ABCA1: variants seen among roughly 807,000 people sequenced by gnomAD.
ABCA1 encodes the protein phospholipid-transporting ATPase ABCA1.
Under a neutral mutation model 262.5 loss-of-function variants are expected in ABCA1, and 133 were observed. The ratio of observed to expected loss-of-function variants is 0.51; its 90% confidence interval spans 0.44 to 0.59. The LOEUF (loss-of-function observed/expected upper bound fraction) is 0.59. Among genes scored for constraint, ABCA1 ranks in the 20% least tolerant of loss-of-function variants. The pLI, the probability that ABCA1 is intolerant of heterozygous loss-of-function variation, is 0.00. For synonymous variants in ABCA1, 1,022 were observed against 1,043.5 expected, an observed-to-expected ratio of 0.98 and a Z score of 0.40; for missense variants, 2,452 against 2,777.5, an observed-to-expected ratio of 0.88 and a Z score of 2.63.
chr9:104,917,483 G>C (rs949032425), intron 1 of ABCA1, among the ~76,000 whole-genome samples: 11 of 152,098 alleles, frequency 7.2e-5, no homozygotes, highest in African/African-American at 2.4e-4. Flanking sequence ...GGCCGGGTGC[G>C]GCGGCTCACA....
intron 2 of ABCA1, among the ~76,000 whole-genome samples, chr9:104,890,618 T>C (rs1021417889): frequency 6.6e-6 from 1 of 151,874 alleles, no homozygotes; most frequent in Non-Finnish European, 1.5e-5. Flanking sequence ...ATTTTTTTTT[T>C]TGAGACAGGG....
intron 11 of ABCA1, among the ~76,000 whole-genome samples, chr9:104,833,224 C>T (rs1445575894): frequency 3.3e-5 from 5 of 152,176 alleles, no homozygotes; most frequent in African/African-American, 9.7e-5. Context: ...CTCTGCCGCC[C>T]GGGCTGGAGT....
chr9:104,804,936 T>G (rs1365625703), intron 31 of ABCA1, among the ~76,000 whole-genome samples: 3 of 152,188 alleles, frequency 2.0e-5, no homozygotes, highest in Non-Finnish European at 4.4e-5. Flanking sequence ...TCCCAAGAAT[T>G]TATTCTGAAC....
At chr9:104,837,601 C>A in intron 9 of ABCA1, 34 bp from the exon 10 acceptor site, 1 of 1,611,880 alleles carries the variant, frequency 6.2e-7, no homozygotes, top group Non-Finnish European at 8.5e-7. Context: ...TGCTCATATG[C>A]ATGGTCATAT....
At chr9:104,818,430 T>A (rs996499497) in intron 23 of ABCA1, among the ~76,000 whole-genome samples, 24 of 152,166 alleles carry the variant, frequency 1.6e-4, no homozygotes, top group African/African-American at 5.8e-4. Context: ...TCTCCATCAC[T>A]CTCTGTGCCT....
chr9:104,798,140 T>G, intron 37 of ABCA1, among the ~76,000 whole-genome samples: 1 of 152,216 alleles, frequency 6.6e-6, no homozygotes, highest in Non-Finnish European at 1.5e-5. Context: ...CTTGTATCTC[T>G]CTGATTCTTG....
intron 1 of ABCA1, among the ~76,000 whole-genome samples, chr9:104,907,390 A>G (rs1841224114): frequency 6.6e-6 from 1 of 152,104 alleles, no homozygotes; most frequent in South Asian, 2.1e-4. Context: ...GAGGATTTCT[A>G]CCTTCTGAGT....
Position 104,836,986 on chromosome 9 carries a change from A to C in ABCA1, c.1305T>G (p.Leu435=). 1.2e-6 allele frequency: 2 copies of C among 1,613,254 alleles called. No homozygotes were observed. The highest frequency in any genetic ancestry group is 1.7e-6 in the Non-Finnish European group (2 of 1,179,204). Residue 435 remains leucine, a synonymous_variant, in exon 11 of 50, where the codon CTT becomes CTG. Coordinates refer to ENST00000374736, the MANE Select transcript of ABCA1 (RefSeq NM_005502.4). Reference sequence around the variant, plus strand: ...TAATGGGAGGGACACTCACCCGGACAAGGTCCATTTCTTGGCTGTTCTCCA... The same window carrying C: ...TAATGGGAGGGACACTCACCCGGACCAGGTCCATTTCTTGGCTGTTCTCCA... ...TFMENSQEMD[L]VRMLLDSRDN...
At chr9:104,818,586 A>C (rs1831989910) in intron 23 of ABCA1, 77 bp downstream of exon 23, 1 of 1,365,354 alleles carries the variant, frequency 7.3e-7, no homozygotes, top group Admixed American at 1.7e-5. Context: ...AGGGGTGGAG[A>C]TGGAGAAATC....
At chr9:104,794,957 G>A (rs972538551) in intron 39 of ABCA1, among the ~76,000 whole-genome samples, 3 of 152,196 alleles carry the variant, frequency 2.0e-5, no homozygotes, top group African/African-American at 7.2e-5. Flanking sequence ...TCTACCAACT[G>A]AATAAGGGGC....
intron 43 of ABCA1, 136 bp from the exon 44 acceptor site, chr9:104,791,164 G>A (rs1175034478): frequency 2.2e-5 from 14 of 625,110 alleles, no homozygotes; most frequent in South Asian, 7.3e-5. Flanking sequence ...TTAACACATC[G>A]TATAGATATT....
intron 2 of ABCA1, among the ~76,000 whole-genome samples, chr9:104,900,365 T>C (rs920187620): frequency 6.6e-6 from 1 of 152,218 alleles, no homozygotes; most frequent in Non-Finnish European, 1.5e-5. Context: ...TGCTGGGCTC[T>C]GAGGCCAAGC....
intron 25 of ABCA1, among the ~76,000 whole-genome samples, chr9:104,815,812 G>A (rs538761466): frequency 1.7e-4 from 26 of 152,244 alleles, no homozygotes; most frequent in African/African-American, 1.2e-4. Flanking sequence ...TCCTGATGCC[G>A]CTGTTCCTCA....
At chr9:104,876,957 T>TA (rs995073060) in intron 5 of ABCA1, among the ~76,000 whole-genome samples, 4 of 152,206 alleles carry the variant, frequency 2.6e-5, no homozygotes, top group African/African-American at 9.6e-5. Context: ...ATAGTATTTT[T>TA]AAAAAATCTT....
At chr9:104,811,160 C>G (rs981123396) in intron 28 of ABCA1, among the ~76,000 whole-genome samples, 1 of 152,238 alleles carries the variant, frequency 6.6e-6, no homozygotes, top group Non-Finnish European at 1.5e-5. Flanking sequence ...TTATGGCCAC[C>G]TGGCAGAGGC....
chr9:104,824,686 G>T, intron 17 of ABCA1, 108 bp from the exon 18 acceptor site: 1 of 1,269,526 alleles, frequency 7.9e-7, no homozygotes, highest in Non-Finnish European at 1.1e-6. Flanking sequence ...AGAAGGAACA[G>T]ATTTGAATGG....
chr9:104,886,464 T>A (rs759012868), intron 3 of ABCA1, among the ~76,000 whole-genome samples: 8 of 152,344 alleles, frequency 5.3e-5, no homozygotes, highest in Middle Eastern at 3.4e-3. Context: ...TCTCCCTATC[T>A]TCCTGTTAAT....
At chr9:104,805,803 C>T (rs934232864) in intron 31 of ABCA1, among the ~76,000 whole-genome samples, 3 of 152,134 alleles carry the variant, frequency 2.0e-5, no homozygotes, top group Non-Finnish European at 2.9e-5. Context: ...TGACAAGAAG[C>T]GAGTTAAAGA....
chr9:104,856,225 G>A, intron 7 of ABCA1: 1 of 1,385,866 alleles, frequency 7.2e-7, no homozygotes, highest in Non-Finnish European at 9.4e-7. Flanking sequence ...CAAAATGTTT[G>A]GAAGTCATTT....
Sources: allele counts gnomAD v4.1 joint callset (sites outside exome capture counted in the v4.1 genomes callset), GRCh38; gene constraint gnomAD v4.1.1; transcripts MANE v1.5; gene names NCBI Gene and HGNC (gene_info 2026-07-23, HGNC 2026-07-21).